The following ACSM1 variants were observed in gnomAD, a reference collection of about 807,000 sequenced individuals.
ACSM1 encodes the protein acyl-CoA synthetase medium chain family member 1, also known as acyl-coenzyme A synthetase ACSM1, mitochondrial.
In ACSM1, 79 loss-of-function variants were observed where a neutral mutation model predicts 75.8. That is an observed-to-expected ratio of 1.04 (90% CI 0.87 to 1.26). The LOEUF (loss-of-function observed/expected upper bound fraction) is 1.26, where lower values mean the gene tolerates loss of function less well. Ranked by LOEUF, ACSM1 falls within the 50% of genes most tolerant of loss-of-function variation. The pLI is 0.00. For synonymous variants in ACSM1, 279 were observed against 265.8 expected, an observed-to-expected ratio of 1.05 and a Z score of -0.48; for missense variants, 676 against 720.1, an observed-to-expected ratio of 0.94 and a Z score of 0.70.
At chr16:20,670,143 G>T (rs891877105) in intron 5 of ACSM1, among the ~76,000 whole-genome samples, 157 bp from the exon 6 acceptor site, 2 of 152,196 alleles carry the variant, frequency 1.3e-5, no homozygotes, top group African/African-American at 2.4e-5. Flanking sequence ...TCTCAAAGGT[G>T]TACTGCCAAA....
chr16:20,682,529 T>C, intron 3 of ACSM1, 66 bp from the exon 4 acceptor site: 1 of 1,344,866 alleles, frequency 7.4e-7, no homozygotes, highest in Non-Finnish European at 1.1e-6. Context: ...TAGACTTGGC[T>C]TGTCTGCATC....
chr16:20,650,733 C>G (rs2018602113), intron 7 of ACSM1, among the ~76,000 whole-genome samples: 1 of 151,956 alleles, frequency 6.6e-6, no homozygotes. Flanking sequence ...GAGAATGACC[C>G]TCTTTTGGGC....
intron 7 of ACSM1, among the ~76,000 whole-genome samples, chr16:20,655,645 T>C (rs2018919007): frequency 6.6e-6 from 1 of 152,086 alleles, no homozygotes; most frequent in South Asian, 2.1e-4. Flanking sequence ...ATTACAAATA[T>C]TGTCTTATTA....
At chr16:20,623,964 G>T in intron 13 of ACSM1, 132 bp downstream of exon 13, 1 of 1,346,698 alleles carries the variant, frequency 7.4e-7, no homozygotes, top group Non-Finnish European at 1.0e-6. Context: ...CATGAGGCAT[G>T]AGCAGAAAAA....
At chr16:20,663,914 T>C (rs1174782320) in intron 6 of ACSM1, among the ~76,000 whole-genome samples, 2 of 152,100 alleles carry the variant, frequency 1.3e-5, no homozygotes, top group African/African-American at 4.8e-5. Context: ...TTAGACATCA[T>C]AGGTGTCTAA....
intron 11 of ACSM1, among the ~76,000 whole-genome samples, chr16:20,626,840 A>G (rs2016952687): frequency 6.6e-6 from 1 of 152,168 alleles, no homozygotes; most frequent in Admixed American, 6.6e-5. Context: ...GTCCTGTGAC[A>G]TTTGGTGCTG....
In ACSM1 at chr16:20,684,890, C is replaced by G. The variant is rs552412325; in HGVS notation, c.403+303G>C. On this transcript the variant is annotated intron_variant, in intron 3 of 13. Coordinates refer to ENST00000520010, the MANE Select transcript of ACSM1 (RefSeq NM_001318890.3). ...GTGTATGAGACAAAGTTTGGCACTG[C>G]ACTTGAGAGTGTATGAATGTGAGAG... Among the ~76,000 whole-genome samples, 33 of 152,112 alleles carry G rather than the reference C, an allele frequency of 2.2e-4. No individual in the cohort carries two copies. In the South Asian group the frequency reaches 6.8e-3, roughly 32 times the overall value.
intron 7 of ACSM1, among the ~76,000 whole-genome samples, chr16:20,646,125 GA>G (rs199779106): frequency 3.4e-5 from 5 of 148,320 alleles, no homozygotes; most frequent in Admixed American, 6.7e-5. Flanking sequence ...GATTAAAAAT[GA>G]AAAAAAAACA....
intron 10 of ACSM1, among the ~76,000 whole-genome samples, chr16:20,628,824 A>G (rs773388210): frequency 6.6e-6 from 1 of 152,114 alleles, no homozygotes; most frequent in African/African-American, 2.4e-5. Flanking sequence ...AGCTTGAGGG[A>G]GGCACATTTG....
intron 13 of ACSM1, 118 bp downstream of exon 13, chr16:20,623,978 C>T: frequency 6.9e-7 from 1 of 1,442,940 alleles, no homozygotes; most frequent in Non-Finnish European, 9.5e-7. Context: ...AGAAAAAGAG[C>T]CTTCAGTGTT....
chr16:20,658,645 CT>C (rs1478359288), intron 7 of ACSM1, among the ~76,000 whole-genome samples: 1 of 152,152 alleles, frequency 6.6e-6, no homozygotes, highest in Non-Finnish European at 1.5e-5. Flanking sequence ...AACCTTTTCT[CT>C]CCCAAATACC....
At chr16:20,627,864 GTATACATATATA>G (rs1567242114) in intron 10 of ACSM1, among the ~76,000 whole-genome samples, 6 of 46,384 alleles carry the variant, frequency 1.3e-4, no homozygotes, top group East Asian at 8.5e-4. Context: ...CTCTCTGTAT[GTATACATATATA>G]TATATATATA....
intron 4 of ACSM1, among the ~76,000 whole-genome samples, chr16:20,677,194 G>A (rs2020338961): frequency 6.6e-6 from 1 of 150,376 alleles, no homozygotes; most frequent in South Asian, 2.1e-4. Context: ...CCTCCTCTAG[G>A]AGGCTAACCA....
intron 4 of ACSM1, among the ~76,000 whole-genome samples, chr16:20,672,498 A>C (rs1311789613): frequency 7.9e-6 from 1 of 126,122 alleles, no homozygotes; most frequent in African/African-American, 3.3e-5. Context: ...ATATATATAA[A>C]AAACATATTT....
intron 2 of ACSM1, 74 bp downstream of exon 2, chr16:20,690,923 C>G: frequency 1.4e-6 from 2 of 1,462,394 alleles, no homozygotes; most frequent in Middle Eastern, 1.8e-4. Flanking sequence ...CCATACCTTT[C>G]AGCCTAGTAG....
At chr16:20,692,943 G>A (rs557917843) in intron 1 of ACSM1, among the ~76,000 whole-genome samples, 76 of 152,210 alleles carry the variant, frequency 5.0e-4, no homozygotes, top group African/African-American at 1.8e-3. Context: ...GGCTGAGGCA[G>A]GTGGATCATG....
intron 10 of ACSM1, among the ~76,000 whole-genome samples, chr16:20,633,029 G>T (rs1221058749): frequency 6.6e-6 from 1 of 152,166 alleles, no homozygotes; most frequent in African/African-American, 2.4e-5. Flanking sequence ...ACATGATGAG[G>T]CCACATATAA....
intron 4 of ACSM1, chr16:20,674,017 G>A: frequency 2.4e-6 from 1 of 411,740 alleles, no homozygotes; most frequent in South Asian, 1.7e-5. Flanking sequence ...TGACATAAGT[G>A]AGGTTTCTGA....
intron 6 of ACSM1, among the ~76,000 whole-genome samples, chr16:20,664,046 C>T (rs778447381): frequency 3.3e-5 from 5 of 151,978 alleles, no homozygotes; most frequent in East Asian, 3.9e-4. Context: ...GGGTGTGGAA[C>T]GGAGATCAGC....
Sources: gnomAD v4.1 joint callset for allele counts (sites outside exome capture counted in the v4.1 genomes callset) on GRCh38, gnomAD v4.1.1 for gene constraint, MANE v1.5 for transcripts, NCBI Gene and HGNC (gene_info 2026-07-23, HGNC 2026-07-21) for gene names.